The following ENO1 variants were observed in gnomAD, a reference collection of about 807,000 sequenced individuals.
ENO1 encodes alpha-enolase.
A neutral mutation model predicts 46.3 loss-of-function variants in ENO1; 33 were observed. That is an observed-to-expected ratio of 0.71 (90% CI 0.54 to 0.95). The LOEUF (loss-of-function observed/expected upper bound fraction) is 0.95. ENO1 is among the 40% of genes least tolerant of loss of function. ENO1 has a pLI of 0.00. For missense variants in ENO1, 488 were observed against 553.3 expected (o/e 0.88, Z 1.18); for synonymous variants, 220 against 216.0 (o/e 1.02, Z -0.16).
At chr1:8,866,540 A>G (rs1642521712) in intron 6 of ENO1, 39 bp from the exon 7 acceptor site, 2 of 1,608,662 alleles carry the variant, frequency 1.2e-6, no homozygotes, top group Non-Finnish European at 1.7e-6. Context: ...CACTGGGTCC[A>G]GAGAGCCCCA....
intron 1 of ENO1, chr1:8,877,966 G>A (rs1642771604): frequency 6.6e-6 from 1 of 152,438 alleles, no homozygotes; most frequent in South Asian, 2.0e-4. Context: ...AGGTCGCCTG[G>A]AGGACTTGCC....
intron 9 of ENO1, 58 bp from the exon 10 acceptor site, chr1:8,863,401 C>A: frequency 6.6e-7 from 1 of 1,525,920 alleles, no homozygotes; most frequent in East Asian, 2.3e-5. Context: ...CCATAACCCC[C>A]AATGCCATTA....
chr1:8,863,080 C>A, intron 10 of ENO1, 135 bp from the exon 11 acceptor site: 2 of 1,347,374 alleles, frequency 1.5e-6, no homozygotes, highest in South Asian at 1.3e-5. Context: ...AACATACAGG[C>A]AGGGCGCTCA....
intron 4 of ENO1, among the ~76,000 whole-genome samples, chr1:8,869,114 T>C (rs565312841): frequency 6.6e-6 from 1 of 152,252 alleles, no homozygotes; most frequent in South Asian, 2.1e-4. Flanking sequence ...TATGAGCAAT[T>C]TGGTGTCTTT....
intron 1 of ENO1, chr1:8,878,324 A>G (rs577431419): frequency 3.6e-6 from 1 of 281,316 alleles, no homozygotes; most frequent in South Asian, 2.9e-5. Flanking sequence ...CGCAGTCGGT[A>G]ATCACGTGTT....
rs753905960 is a variant in ENO1, at chr1:8,864,026, G to A, written c.932C>T (p.Ala311Val). 2 of 1,614,148 alleles carry A rather than the reference G, an allele frequency of 1.2e-6. No individual in the cohort carries two copies. The highest frequency in any genetic ancestry group is 1.7e-6 in the Non-Finnish European group (2 of 1,180,030). ...WGAWQKFTASAGIQVVGDDLT... is the reference protein window; with the variant it reads ...WGAWQKFTASVGIQVVGDDLT... ...ATCATCCCCCACTACCTGGATTCCT[G>A]CACTGGCTGTGAACTTCTGCCAAGC... Residue 311 changes from alanine to valine, a missense_variant, in exon 9 of 12, where the codon GCA becomes GTA. Ala to Val is a moderately conservative substitution (Grantham distance 64). Coordinates refer to ENST00000234590, the MANE Select transcript of ENO1 (RefSeq NM_001428.5).
rs576891058 is a variant in ENO1 at position 8,878,146 on chromosome 1, T to C, written c.-10+434A>G. The C allele has an allele frequency of 3.2e-5, 5 of 155,720 alleles. No homozygotes were observed. The South Asian group carries it at 8.5e-4, about 26-fold the overall frequency. The allele number at this position is 155,720 out of a possible 1,614,324, so 9.6% of individuals were successfully genotyped here. ...GCCATCTCCACTATCGCCGCCCTCC[T>C]CCATTTTAGGAAGGGCCTGGCCTGA... is the stretch of plus-strand genomic sequence containing the variant. On this transcript the variant is annotated intron_variant, in intron 1 of 11. Coordinates refer to ENST00000234590, the MANE Select transcript of ENO1 (RefSeq NM_001428.5).
rs191525191 is a variant in ENO1, at chr1:8,877,171, C to G, written c.-10+1409G>C. On this transcript the variant is annotated intron_variant, in intron 1 of 11. Transcript: ENST00000234590. The stretch of plus-strand genomic sequence containing the variant: ...ATGGGGTTTAGTAGAGTAGGATGGT[C>G]TCGATCTCCTGACCTCGTGAGCCAC... 5.8e-4 allele frequency among the ~76,000 whole-genome samples: 88 copies of G among 152,176 alleles called. 1 individual carries two copies. The highest frequency in any genetic ancestry group is 1.9e-3 in the African/African-American group (81 of 41,552).
chr1:8,865,614 T>C (rs1642495142), intron 7 of ENO1, 132 bp from the exon 8 acceptor site: 1 of 843,168 alleles, frequency 1.2e-6, no homozygotes, highest in South Asian at 1.7e-5. Context: ...AGTTCTGACA[T>C]CAGTTACTTT....
At position 8,874,731 on chromosome 1, in the gene ENO1, AT is replaced by A. The variant is rs565264603; in HGVS notation, c.85+92del. On this transcript the variant is annotated intron_variant, in intron 2 of 11. Coordinates refer to ENST00000234590, the MANE Select transcript of ENO1 (RefSeq NM_001428.5). ...CAGACAGAAAGAAAAGCTTTAACAGATTTTTTTTTTCCTAAGGCTCCAGCAT... is the reference window on the plus strand; with the variant it reads ...CAGACAGAAAGAAAAGCTTTAACAGATTTTTTTTTCCTAAGGCTCCAGCAT... The A allele has an allele frequency of 3.2e-3, 3,349 of 1,061,130 alleles. 4 individuals are homozygous for A. The highest frequency in any genetic ancestry group is 3.8e-3 in the Non-Finnish European group (2,801 of 729,300). The allele number at this position is 1,061,130 out of a possible 1,614,324, so 65.7% of individuals were successfully genotyped here. A position where few individuals can be genotyped will look rare whatever the true frequency, so the allele number is the denominator to read the frequency against.
At chr1:8,862,323 A>G (rs1642421895) in intron 11 of ENO1, among the ~76,000 whole-genome samples, 2 of 152,118 alleles carry the variant, frequency 1.3e-5, no homozygotes, top group Admixed American at 1.3e-4. Flanking sequence ...TATATGTTTG[A>G]AAATTTCCAG....
In ENO1 at chr1:8,865,464, G is replaced by T. The variant is rs766081275; in HGVS notation, c.686C>A (p.Thr229Asn). 6 of 1,613,232 alleles carry T rather than the reference G, an allele frequency of 3.7e-6. No homozygotes were observed. The highest frequency in any genetic ancestry group is 1.3e-5 in the African/African-American group (1 of 75,032). Reference protein sequence around the residue: ...ENKEGLELLKTAIGKAGYTDK... With the variant: ...ENKEGLELLKNAIGKAGYTDK... ...AGTGTAGCCAGCTTTCCCAATAGCA[G>T]TCTTCAGCAGCTCCAGGCCTGGGAA... The change falls in exon 8 of 12, where the codon ACT (threonine) becomes AAT (asparagine). Residue 229 changes from threonine (T) to asparagine (N), a missense_variant. Thr to Asn is a moderately conservative substitution (Grantham distance 65, BLOSUM62 0). Transcript: ENST00000234590.
intron 5 of ENO1, among the ~76,000 whole-genome samples, chr1:8,867,645 C>T (rs1055329162): frequency 6.6e-5 from 10 of 151,974 alleles, no homozygotes; most frequent in East Asian, 5.8e-4. Flanking sequence ...AAGCTCCGCC[C>T]GGGACCATTC....
At chr1:8,865,970 C>G (rs1432803913) in intron 7 of ENO1, 2 of 345,262 alleles carry the variant, frequency 5.8e-6, no homozygotes, top group Non-Finnish European at 1.1e-5. Context: ...CGGACAGACA[C>G]TTGGCTCCCC....
chr1:8,870,752 T>A lies in ENO1; in HGVS notation c.182-242A>T, dbSNP rs983379042. 67 of 1,421,266 alleles carry A rather than the reference T, an allele frequency of 4.7e-5. No homozygotes were observed. The Admixed American group carries it at 1.2e-3, about 25-fold the overall frequency. The allele number at this position is 1,421,266 out of a possible 1,614,324, so 88.0% of individuals were successfully genotyped here. A position where few individuals can be genotyped will look rare whatever the true frequency, so the allele number is the denominator to read the frequency against. On this transcript the variant is annotated intron_variant, in intron 3 of 11. Coordinates refer to ENST00000234590, the MANE Select transcript of ENO1 (RefSeq NM_001428.5). ...AAACAGCAGCTGGCTCAGAACGATC[T>A]GACTGGAGGTTAGTTTGCAAGACCA...
intron 11 of ENO1, 125 bp downstream of exon 11, chr1:8,862,762 A>T (rs1012428380): frequency 9.1e-7 from 1 of 1,093,942 alleles, no homozygotes. Context: ...GGCTGTCTGC[A>T]CTGTGCACCT....
rs1190756239 is a variant in ENO1, at chr1:8,865,331, A to C, written c.819T>G (p.Pro273=). 1 of 1,614,116 alleles carries C rather than the reference A, an allele frequency of 6.2e-7. No individual in the cohort carries two copies. Among genetic ancestry groups the C allele is most frequent in the African/African-American group, 1.3e-5 (1 of 74,934 alleles). ...SPDDPSRYIS[P]DQLADLYKSF... is the part of the protein sequence containing the mutation. ...ACTTGTACAGGTCAGCCAGCTGGTC[A>C]GGCGAGATGTACCTGCTGGGGTCAT... Residue 273 remains proline (P), a synonymous_variant, in exon 8 of 12, where the codon CCT becomes CCG. Coordinates refer to ENST00000234590, the MANE Select transcript of ENO1 (RefSeq NM_001428.5).
intron 2 of ENO1, chr1:8,873,676 ACGAAGTCAGG>A (rs1642677471): frequency 2.0e-5 from 3 of 152,204 alleles, no homozygotes; most frequent in Admixed American, 2.0e-4. Context: ...CTTTTGCCCA[ACGAAGTCAGG>A]CCTCAAGGAT....
At chr1:8,867,077 C>T (rs1397608002) in intron 6 of ENO1, 40 bp downstream of exon 6, 13 of 1,602,806 alleles carry the variant, frequency 8.1e-6, no homozygotes, top group East Asian at 6.7e-5. Flanking sequence ...AAGCTGAAAC[C>T]CCCAACTCCT....
Sources: allele counts gnomAD v4.1 joint callset (sites outside exome capture counted in the v4.1 genomes callset), GRCh38; gene constraint gnomAD v4.1.1; transcripts MANE v1.5; gene names NCBI Gene and HGNC (gene_info 2026-07-23, HGNC 2026-07-21).